The following METTL15 variants were observed in gnomAD, a reference collection of about 807,000 sequenced individuals.
METTL15 encodes methyltransferase 15, mitochondrial 12S rRNA N4-cytidine, also known as 12S rRNA N(4)-cytidine methyltransferase METTL15.
A neutral mutation model predicts 38.3 loss-of-function variants in METTL15; 34 were observed. That is an observed-to-expected ratio of 0.89 (90% CI 0.68 to 1.18). METTL15 has a LOEUF of 1.18. METTL15 is among the 50% of genes most tolerant of loss of function. METTL15 has a pLI of 0.00. For synonymous variants in METTL15, 162 were observed against 170.9 expected (o/e 0.95, Z 0.41); for missense variants, 438 against 498.4 (o/e 0.88, Z 1.15).
At chr11:28,389,026 G>A (rs1850472490) in intron 5 of METTL15, among the ~76,000 whole-genome samples, 1 of 151,846 alleles carries the variant, frequency 6.6e-6, no homozygotes, top group Admixed American at 6.6e-5. Flanking sequence ...CTTTTTTATG[G>A]CTACATAGTA....
chr11:28,395,845 C>A (rs971129856), intron 5 of METTL15, among the ~76,000 whole-genome samples: 3 of 152,136 alleles, frequency 2.0e-5, no homozygotes, highest in Admixed American at 1.3e-4. Flanking sequence ...CAAAAATCCT[C>A]AATAACATAC....
chr11:28,388,056 A>G (rs561732469), intron 5 of METTL15, among the ~76,000 whole-genome samples: 56 of 152,190 alleles, frequency 3.7e-4, no homozygotes, highest in Non-Finnish European at 3.7e-4. Context: ...ACCTCAACAT[A>G]ATAAATGCCA....
intron 4 of METTL15, among the ~76,000 whole-genome samples, chr11:28,272,804 C>T (rs1304863050): frequency 6.6e-6 from 1 of 152,148 alleles, no homozygotes; most frequent in Non-Finnish European, 1.5e-5. Flanking sequence ...CCTGAATCAA[C>T]CTCTTAAAGC....
At chr11:28,147,428 T>C (rs1022893142) in intron 3 of METTL15, among the ~76,000 whole-genome samples, 1 of 151,878 alleles carries the variant, frequency 6.6e-6, no homozygotes, top group Non-Finnish European at 1.5e-5. Flanking sequence ...TTTGAAGTTA[T>C]TGATTGAAAT....
Position 28,127,686 on chromosome 11 carries a change from G to A in METTL15, c.270+14082G>A, listed in dbSNP as rs1042907861. On this transcript the variant is annotated intron_variant, in intron 3 of 6. Coordinates refer to ENST00000407364, the MANE Select transcript of METTL15 (RefSeq NM_001113528.2). Reference sequence around the variant, plus strand: ...AGTGACTTTAATTTATTTGAAAGAAGCATTTTATTGCTATTTTATGTAGAA... The same window carrying A: ...AGTGACTTTAATTTATTTGAAAGAAACATTTTATTGCTATTTTATGTAGAA... Among the ~76,000 whole-genome samples, 4 of 151,966 alleles carry A rather than the reference G, an allele frequency of 2.6e-5. No individual in the cohort carries two copies. The South Asian group carries it at 6.2e-4, about 24-fold the overall frequency.
chr11:28,211,098 A>T lies in METTL15; in HGVS notation c.307A>T (p.Thr103Ser). The change falls in exon 4 of 7, where the codon ACA becomes TCA. Residue 103 changes from threonine to serine, a missense_variant. By Grantham distance (58) the Thr-to-Ser change is moderately conservative (BLOSUM62 1). Coordinates refer to ENST00000407364, the MANE Select transcript of METTL15 (RefSeq NM_001113528.2). ...LDMTFGSGGH[T>S]KAILQKESDI... ...TATGACATTTGGTTCGGGAGGGCAC[A>T]CAAAAGCCATTCTGCAGAAGGAGTC... is the stretch of plus-strand genomic sequence containing the variant. The T allele has an allele frequency of 1.2e-6, 2 of 1,611,920 alleles. No individual in the cohort carries two copies. The highest frequency in any genetic ancestry group is 8.5e-7 in the Non-Finnish European group (1 of 1,179,058).
chr11:28,237,969 T>G (rs1427956726), intron 4 of METTL15, among the ~76,000 whole-genome samples: 1 of 152,136 alleles, frequency 6.6e-6, no homozygotes, highest in African/African-American at 2.4e-5. Flanking sequence ...TGGAAGTTTT[T>G]TCTCAGAGGA....
intron 3 of METTL15, among the ~76,000 whole-genome samples, chr11:28,123,692 T>G (rs1852347516): frequency 6.6e-6 from 1 of 152,150 alleles, no homozygotes; most frequent in African/African-American, 2.4e-5. Context: ...ATTTCCTTTG[T>G]TCTTCAATGT....
intron 3 of METTL15, among the ~76,000 whole-genome samples, chr11:28,192,515 A>G (rs534637778): frequency 2.0e-5 from 3 of 151,448 alleles, no homozygotes; most frequent in Admixed American, 2.0e-4. Flanking sequence ...TGATTTGTGT[A>G]TCAGAGTAAT....
intron 5 of METTL15, among the ~76,000 whole-genome samples, chr11:28,293,755 T>C (rs999048273): frequency 6.6e-6 from 1 of 152,218 alleles, no homozygotes; most frequent in Non-Finnish European, 1.5e-5. Flanking sequence ...GTAGTTCTCC[T>C]TGAAGAGGTT....
At chr11:28,283,742 G>A (rs1856146889) in intron 4 of METTL15, among the ~76,000 whole-genome samples, 1 of 152,114 alleles carries the variant, frequency 6.6e-6, no homozygotes, top group Admixed American at 6.6e-5. Context: ...TGCTGCGTCC[G>A]TTGACTTTTA....
intron 3 of METTL15, among the ~76,000 whole-genome samples, chr11:28,114,024 C>T (rs951200584): frequency 1.3e-5 from 2 of 152,040 alleles, no homozygotes; most frequent in African/African-American, 4.8e-5. Context: ...GACATAACCC[C>T]CTTGTAAGTT....
intron 6 of METTL15, among the ~76,000 whole-genome samples, chr11:28,458,382 A>G (rs936850716): frequency 6.6e-6 from 1 of 152,182 alleles, no homozygotes; most frequent in Non-Finnish European, 1.5e-5. Flanking sequence ...AACCTCTATC[A>G]TAACTCTGTG....
intron 6 of METTL15, among the ~76,000 whole-genome samples, chr11:28,299,917 C>T (rs1856857291): frequency 6.6e-6 from 1 of 152,072 alleles, no homozygotes; most frequent in Admixed American, 6.6e-5. Flanking sequence ...GTTTCTGCCT[C>T]CATAGTCACT....
chr11:28,327,336 A>G (rs1465336103), intron 6 of METTL15, among the ~76,000 whole-genome samples: 1 of 152,226 alleles, frequency 6.6e-6, no homozygotes, highest in African/African-American at 2.4e-5. Flanking sequence ...CTTTAAGACC[A>G]TCTATTCCCA....
Position 28,338,786 on chromosome 11 carries a change from G to A in METTL15, c.*190-13304G>A, listed in dbSNP as rs1398465606. On this transcript the variant is annotated intron_variant and NMD_transcript_variant, in intron 3 of 7. Transcript: ENST00000532947. ...AAAATTGACTTCAAATTACAAACCAGGACTTCAGCTTTGGTAATGACAAGA... is the reference window on the plus strand; with the variant it reads ...AAAATTGACTTCAAATTACAAACCAAGACTTCAGCTTTGGTAATGACAAGA... Among the ~76,000 whole-genome samples, 7 of 152,212 alleles carry A rather than the reference G, an allele frequency of 4.6e-5. No individual in the cohort carries two copies. The East Asian group carries it at 1.3e-3, about 29-fold the overall frequency.
chr11:28,374,453 T>C (rs1353885946), intron 5 of METTL15, among the ~76,000 whole-genome samples: 2 of 148,756 alleles, frequency 1.3e-5, no homozygotes, highest in African/African-American at 4.9e-5. Flanking sequence ...CACTCATGAT[T>C]TCGCTCTCTG....
chr11:28,119,888 C>A (rs981263100), intron 3 of METTL15, among the ~76,000 whole-genome samples: 5 of 152,066 alleles, frequency 3.3e-5, no homozygotes, highest in Admixed American at 3.3e-4. Flanking sequence ...TGTTTGACTC[C>A]AAATTGTTAA....
chr11:28,330,989 A>T lies in METTL15; in HGVS notation c.*148A>T. The T allele has an allele frequency of 5.1e-6, 3 of 588,508 alleles. No individual in the cohort carries two copies. Among genetic ancestry groups the T allele is most frequent in the Non-Finnish European group, 8.9e-6 (3 of 338,948 alleles). The allele number at this position is 588,508 out of a possible 1,614,324, so 36.5% of individuals were successfully genotyped here. A position where few individuals can be genotyped will look rare whatever the true frequency, so the allele number is the denominator to read the frequency against. ...AGCATTTCTTTTTTCTCAAAAAGAA[A>T]CTGTAGGAAATACATGACAGAGAAA... On this transcript the variant is annotated 3_prime_UTR_variant, in exon 7 of 7. Transcript: ENST00000407364.
Sources: gnomAD v4.1 joint callset for allele counts (sites outside exome capture counted in the v4.1 genomes callset) on GRCh38, gnomAD v4.1.1 for gene constraint, MANE v1.5 for transcripts, NCBI Gene and HGNC (gene_info 2026-07-23, HGNC 2026-07-21) for gene names.